Variants in RBFOX3 observed in about 807,000 individuals in gnomAD.
The protein encoded by RBFOX3 is RNA binding fox-1 homolog 3.
RBFOX3 carries 17 observed loss-of-function variants against 48.7 expected under a neutral mutation model. The ratio of observed to expected loss-of-function variants is 0.35; its 90% confidence interval spans 0.24 to 0.52. The LOEUF (loss-of-function observed/expected upper bound fraction) is 0.52, where lower values mean the gene tolerates loss of function less well. Among genes scored for constraint, RBFOX3 ranks in the 20% least tolerant of loss-of-function variants. The probability of loss-of-function intolerance (pLI) is 0.94; values close to 1 mark genes in which losing one functional copy is unlikely to be tolerated. For synonymous variants in RBFOX3, 212 were observed against 209.5 expected (o/e 1.01, Z -0.10); for missense variants, 382 against 497.5 (o/e 0.77, Z 2.21).
At chr17:79,349,912 G>A (rs2083577851) in intron 2 of RBFOX3, among the ~76,000 whole-genome samples, 3 of 152,164 alleles carry the variant, frequency 2.0e-5, no homozygotes, top group Admixed American at 2.0e-4. Context: ...TGGGTTCCCT[G>A]AGCCTAGGCC....
intron 3 of RBFOX3, among the ~76,000 whole-genome samples, chr17:79,306,677 T>A (rs2076146979): frequency 6.6e-6 from 1 of 152,144 alleles, no homozygotes; most frequent in Non-Finnish European, 1.5e-5. Context: ...AGAAGGAAGG[T>A]GCCAGAAGGT....
intron 2 of RBFOX3, among the ~76,000 whole-genome samples, chr17:79,378,470 A>ATATCGCACTTGCCCAGG (rs2059490080): frequency 6.6e-6 from 1 of 152,248 alleles, no homozygotes; most frequent in Non-Finnish European, 1.5e-5. Flanking sequence ...GCATTAAAAA[A>ATATCGCACTTGCCCAGG]TATCGCACTT....
intron 13 of RBFOX3, among the ~76,000 whole-genome samples, 173 bp from the exon 14 acceptor site, chr17:79,094,702 T>C (rs1274712015): frequency 6.7e-6 from 1 of 148,428 alleles, no homozygotes; most frequent in Non-Finnish European, 1.5e-5. Context: ...CCCTCCTTCT[T>C]GTTAAGAAGG....
intron 10 of RBFOX3, 76 bp downstream of exon 10, chr17:79,097,616 C>T (rs1267424587): frequency 8.1e-6 from 11 of 1,350,862 alleles, no homozygotes; most frequent in Admixed American, 2.2e-5. Context: ...CCTCATGCCC[C>T]GCCCCCAGAG....
chr17:79,545,953 TGTGTGC>T (rs1186682520), intron 1 of RBFOX3, among the ~76,000 whole-genome samples: 18 of 152,326 alleles, frequency 1.2e-4, no homozygotes, highest in African/African-American at 4.1e-4. Context: ...TGTGTGCACG[TGTGTGC>T]GTGTGCACGT....
chr17:79,522,927 C>CT (rs2086303612), intron 1 of RBFOX3, among the ~76,000 whole-genome samples: 1 of 88,120 alleles, frequency 1.1e-5, no homozygotes, highest in Non-Finnish European at 2.0e-5. Flanking sequence ...AAGACTCCGT[C>CT]TCAAAAAAAA....
At chr17:79,401,031 T>G (rs1395297552) in intron 2 of RBFOX3, among the ~76,000 whole-genome samples, 1 of 152,190 alleles carries the variant, frequency 6.6e-6, no homozygotes, top group Non-Finnish European at 1.5e-5. Context: ...CTTCCAAAGC[T>G]AGAGATCCGG....
chr17:79,419,000 T>A lies in RBFOX3; in HGVS notation c.-175+63454A>T, dbSNP rs1487603883. Among the ~76,000 whole-genome samples the A allele has an allele frequency of 2.6e-5, 4 of 152,170 alleles. No homozygotes were observed. Among genetic ancestry groups the A allele is most frequent in the Non-Finnish European group, 4.4e-5 (3 of 68,036 alleles). ...AAATGTGGATAATTACGTCTGCTGG[T>A]GTCAAGGGACCGTATCGTCCAAGCT... On this transcript the variant is annotated intron_variant, in intron 2 of 14. Coordinates refer to ENST00000693108, the MANE Select transcript of RBFOX3 (RefSeq NM_001350451.2). The surrounding 1 kb of genome is among the most constrained non-coding windows in gnomAD (Gnocchi z 5.0).
At chr17:79,595,299 T>G (rs2093539194) in intron 1 of RBFOX3, among the ~76,000 whole-genome samples, 2 of 152,242 alleles carry the variant, frequency 1.3e-5, no homozygotes, top group South Asian at 4.1e-4. Context: ...AGGAACTCGA[T>G]CCTCCCACTG....
At chr17:79,092,641 C>T in intron 14 of RBFOX3, 1 of 986,988 alleles carries the variant, frequency 1.0e-6, no homozygotes, top group Non-Finnish European at 1.2e-6. Context: ...CAGAGGCTAG[C>T]CTGCAACATC....
intron 4 of RBFOX3, among the ~76,000 whole-genome samples, chr17:79,193,923 G>A (rs367666788): frequency 6.6e-6 from 1 of 152,136 alleles, no homozygotes; most frequent in East Asian, 1.9e-4. Context: ...AGGGGAGCAG[G>A]CCTGATGGTG....
At chr17:79,369,667 C>A (rs192210679) in intron 2 of RBFOX3, among the ~76,000 whole-genome samples, 2 of 152,242 alleles carry the variant, frequency 1.3e-5, no homozygotes, top group South Asian at 4.1e-4. Flanking sequence ...TGGGAGCCCA[C>A]GTGTGTCTCC....
In RBFOX3 at chr17:79,351,295, C is replaced by T. The variant is rs143229217; in HGVS notation, c.-174-43471G>A. On this transcript the variant is annotated intron_variant, in intron 2 of 14. Transcript: ENST00000693108. ...TCCTTGAAGTGGAAGTGCTGGGCCACAGGGTAGGGCTCTGTATAGCTTTTT... is the reference window on the plus strand; with the variant it reads ...TCCTTGAAGTGGAAGTGCTGGGCCATAGGGTAGGGCTCTGTATAGCTTTTT... 9.3e-3 allele frequency among the ~76,000 whole-genome samples: 1,416 copies of T among 152,318 alleles called. 22 individuals are homozygous for T. The highest frequency in any genetic ancestry group is 0.01 in the Admixed American group (159 of 15,308).
chr17:79,388,656 A>C (rs1200256677), intron 2 of RBFOX3, among the ~76,000 whole-genome samples: 3 of 152,150 alleles, frequency 2.0e-5, no homozygotes, highest in South Asian at 2.1e-4. Flanking sequence ...CTGCAGCAGC[A>C]CTACCCTCTA....
At chr17:79,257,903 A>G (rs529743095) in intron 3 of RBFOX3, among the ~76,000 whole-genome samples, 189 of 150,562 alleles carry the variant, frequency 1.3e-3, no homozygotes, top group African/African-American at 4.3e-3. Context: ...TTGTTTTGGG[A>G]AAAAAAAATA....
chr17:79,558,423 G>A (rs1250399784), intron 1 of RBFOX3, among the ~76,000 whole-genome samples: 4 of 152,220 alleles, frequency 2.6e-5, no homozygotes, highest in African/African-American at 4.8e-5. Flanking sequence ...CGCAGAGACC[G>A]GCTGGGGGCA....
Position 79,311,556 on chromosome 17 carries a change from A to T in RBFOX3, c.-174-3732T>A, listed in dbSNP as rs1331007853. ...GCAATAACATGACCTAATTCCTTAA[A>T]ATCTGTCTGTCCTATCTGTCAATCA... On this transcript the variant is annotated intron_variant, in intron 2 of 14. Transcript: ENST00000693108. This position sits in a 1 kb window ranked among gnomAD's most constrained non-coding sequence, Gnocchi z 4.2. Among the ~76,000 whole-genome samples the T allele has an allele frequency of 6.6e-6, 1 of 152,148 alleles. No individual in the cohort carries two copies. Among genetic ancestry groups the T allele is most frequent in the African/African-American group, 2.4e-5 (1 of 41,426 alleles).
At chr17:79,567,266 C>T (rs1208644229) in intron 1 of RBFOX3, among the ~76,000 whole-genome samples, 4 of 148,586 alleles carry the variant, frequency 2.7e-5, no homozygotes, top group African/African-American at 1.0e-4. Context: ...TCACTGCAAC[C>T]TCCAGCTCCC....
intron 4 of RBFOX3, among the ~76,000 whole-genome samples, chr17:79,232,557 A>G (rs924243739): frequency 6.6e-6 from 1 of 152,260 alleles, no homozygotes; most frequent in African/African-American, 2.4e-5. Context: ...TTAATAAGTA[A>G]TAATGAAATC....
Sources: allele counts gnomAD v4.1 joint callset (sites outside exome capture counted in the v4.1 genomes callset), GRCh38; gene constraint gnomAD v4.1.1; non-coding constraint Gnocchi (gnomAD v3.1); transcripts MANE v1.5; gene names NCBI Gene and HGNC (gene_info 2026-07-23, HGNC 2026-07-21).